Variants in ENOX1 observed in about 807,000 individuals in gnomAD.
ENOX1 encodes the protein ecto-NOX disulfide-thiol exchanger 1, also known as candidate growth-related and time keeping constitutive hydroquinone (NADH) oxidase.
Under a neutral mutation model 82.5 loss-of-function variants are expected in ENOX1, and 42 were observed. The ratio of observed to expected loss-of-function variants is 0.51; its 90% CI spans 0.40 to 0.66. ENOX1 has a LOEUF of 0.66. Among genes scored for constraint, ENOX1 ranks in the 30% least tolerant of loss-of-function variants. The pLI, the probability that ENOX1 is intolerant of heterozygous loss-of-function variation, is 0.00. For synonymous variants in ENOX1, 271 were observed against 282.2 expected, an observed-to-expected ratio of 0.96 and a Z score of 0.40; for missense variants, 608 against 811.6, an observed-to-expected ratio of 0.75 and a Z score of 3.05.
chr13:43,305,312 A>T (rs1264555834), intron 11 of ENOX1, among the ~76,000 whole-genome samples: 2 of 152,152 alleles, frequency 1.3e-5, no homozygotes, highest in African/African-American at 2.4e-5. Flanking sequence ...CTTCTGCTAC[A>T]TTTTTGCAGG....
intron 3 of ENOX1, among the ~76,000 whole-genome samples, chr13:43,472,441 A>T (rs534092910): frequency 3.3e-5 from 5 of 152,342 alleles, no homozygotes; most frequent in Non-Finnish European, 7.3e-5. Context: ...TATTATATTT[A>T]AAAAACCCCA....
intron 3 of ENOX1, among the ~76,000 whole-genome samples, chr13:43,428,318 A>G (rs2055449870): frequency 6.6e-6 from 1 of 152,192 alleles, no homozygotes; most frequent in African/African-American, 2.4e-5. Context: ...TGTAATCCAA[A>G]TTGGGCTTAA....
intron 2 of ENOX1, among the ~76,000 whole-genome samples, chr13:43,541,062 C>T (rs2078686154): frequency 6.6e-6 from 1 of 151,576 alleles, no homozygotes. Flanking sequence ...TTTATCAAAT[C>T]TACTGCATAT....
At chr13:43,567,142 A>C (rs1346226102) in intron 2 of ENOX1, among the ~76,000 whole-genome samples, 1 of 152,144 alleles carries the variant, frequency 6.6e-6, no homozygotes, top group African/African-American at 2.4e-5. Context: ...TAACAGATGG[A>C]GGAAAATATA....
intron 14 of ENOX1, among the ~76,000 whole-genome samples, chr13:43,259,457 G>A (rs1445869498): frequency 6.6e-6 from 1 of 152,034 alleles, no homozygotes; most frequent in South Asian, 2.1e-4. Flanking sequence ...AGTCCTGGTG[G>A]GTCTGGGCTC....
At chr13:43,701,497 G>A (rs2086905290) in intron 1 of ENOX1, among the ~76,000 whole-genome samples, 1 of 152,096 alleles carries the variant, frequency 6.6e-6, no homozygotes, top group South Asian at 2.1e-4. Flanking sequence ...ATTATTGTGT[G>A]TATACCTTAG....
intron 1 of ENOX1, among the ~76,000 whole-genome samples, chr13:43,670,272 T>C (rs372198617): frequency 6.6e-6 from 1 of 152,208 alleles, no homozygotes; most frequent in Non-Finnish European, 1.5e-5. Context: ...TGGAGAACTC[T>C]ACAGAGTAGG....
intron 9 of ENOX1, among the ~76,000 whole-genome samples, chr13:43,341,050 C>T (rs915383122): frequency 6.6e-6 from 1 of 152,154 alleles, no homozygotes; most frequent in Non-Finnish European, 1.5e-5. Flanking sequence ...GTAATCCCAG[C>T]ACTTTGGGAG....
chr13:43,265,758 A>G (rs61951863), intron 13 of ENOX1, among the ~76,000 whole-genome samples: 35,316 of 152,196 alleles, frequency 0.23, 5,346 homozygotes, highest in Non-Finnish European at 0.34. Context: ...AGAATAATAA[A>G]TGATTTCATT....
intron 11 of ENOX1, 56 bp from the exon 12 acceptor site, chr13:43,298,586 G>A (rs988362648): frequency 1.5e-5 from 23 of 1,485,662 alleles, no homozygotes; most frequent in Non-Finnish European, 2.1e-5. Flanking sequence ...AGCTTGAGGA[G>A]GCCTTCTGTG....
intron 3 of ENOX1, among the ~76,000 whole-genome samples, chr13:43,414,627 T>C (rs1306757034): frequency 1.3e-5 from 2 of 152,188 alleles, no homozygotes; most frequent in African/African-American, 4.8e-5. Flanking sequence ...CTTCCAACCA[T>C]TTCAGAGTAG....
At chr13:43,540,399 T>C (rs1377275746) in intron 2 of ENOX1, among the ~76,000 whole-genome samples, 1 of 152,138 alleles carries the variant, frequency 6.6e-6, no homozygotes, top group Non-Finnish European at 1.5e-5. Flanking sequence ...TTTCCAAAGA[T>C]CTCTGATGCA....
At chr13:43,435,953 A>G (rs9533486) in intron 3 of ENOX1, among the ~76,000 whole-genome samples, 22,879 of 150,152 alleles carry the variant, frequency 0.15, 2,334 homozygotes, top group East Asian at 0.52. Flanking sequence ...AAACCAACCT[A>G]TGTGGGAAGA....
chr13:43,437,448 C>A (rs532203775), intron 3 of ENOX1, among the ~76,000 whole-genome samples: 1 of 152,136 alleles, frequency 6.6e-6, no homozygotes, highest in Non-Finnish European at 1.5e-5. Flanking sequence ...GCAACTTTAT[C>A]GGGATTCAAT....
intron 5 of ENOX1, among the ~76,000 whole-genome samples, chr13:43,410,651 C>CAT (rs2054071307): frequency 6.6e-6 from 1 of 150,814 alleles, no homozygotes; most frequent in Non-Finnish European, 1.5e-5. Flanking sequence ...CACACACACA[C>CAT]ATATTACTAC....
At chr13:43,732,272 A>G (rs1468559629) in intron 1 of ENOX1, among the ~76,000 whole-genome samples, 1 of 152,196 alleles carries the variant, frequency 6.6e-6, no homozygotes, top group Non-Finnish European at 1.5e-5. Context: ...TTTATGACAC[A>G]AAAATTTTCT....
chr13:43,734,032 C>T (rs889061068), intron 1 of ENOX1, among the ~76,000 whole-genome samples: 1 of 152,040 alleles, frequency 6.6e-6, no homozygotes, highest in Non-Finnish European at 1.5e-5. Flanking sequence ...ACAGTGGAAG[C>T]AAAGATTGAA....
intron 2 of ENOX1, among the ~76,000 whole-genome samples, chr13:43,613,758 T>C (rs952600864): frequency 1.3e-5 from 2 of 151,882 alleles, no homozygotes; most frequent in African/African-American, 4.8e-5. Flanking sequence ...AGTAAGAAGA[T>C]TAAATCTACT....
Position 43,580,122 on chromosome 13 carries a change from T to C in ENOX1, c.-219+87357A>G, listed in dbSNP as rs766665975. Among the ~76,000 whole-genome samples the C allele has an allele frequency of 7.9e-5, 12 of 152,348 alleles. No individual in the cohort carries two copies. In the East Asian group the frequency reaches 1.9e-3, roughly 24 times the overall value. ...GAGAATGAGTCAATGGGCTTCTACATGTACATCATCAGAACATTATCTGGG... is the reference window on the plus strand; with the variant it reads ...GAGAATGAGTCAATGGGCTTCTACACGTACATCATCAGAACATTATCTGGG... On this transcript the variant is annotated intron_variant, in intron 2 of 16. Transcript: ENST00000690772.
Sources: gnomAD v4.1 joint callset for allele counts (sites outside exome capture counted in the v4.1 genomes callset) on GRCh38, gnomAD v4.1.1 for gene constraint, MANE v1.5 for transcripts, NCBI Gene and HGNC (gene_info 2026-07-23, HGNC 2026-07-21) for gene names.